Variants in ADAM12 observed in about 807,000 individuals in gnomAD.
ADAM12 encodes ADAM metallopeptidase domain 12.
ADAM12 carries 70 observed loss-of-function variants against 106.4 expected under a neutral mutation model. The ratio of observed to expected loss-of-function variants is 0.66; its 90% CI spans 0.54 to 0.80. The LOEUF is 0.80. ADAM12 is among the 30% of genes least tolerant of loss of function. ADAM12 has a pLI of 0.00. For missense variants in ADAM12, 1,010 were observed against 1,171.9 expected, an observed-to-expected ratio of 0.86 and a Z score of 2.02; for synonymous variants, 420 against 433.5, an observed-to-expected ratio of 0.97 and a Z score of 0.39.
At chr10:126,050,460 A>G (rs2133441132) in intron 14 of ADAM12, among the ~76,000 whole-genome samples, 2 of 152,346 alleles carry the variant, frequency 1.3e-5, no homozygotes, top group Middle Eastern at 3.4e-3. Context: ...AACATGCCAC[A>G]TTCTTTAGAA....
intron 18 of ADAM12, chr10:126,041,908 A>G: frequency 7.1e-7 from 1 of 1,408,196 alleles, no homozygotes; most frequent in East Asian, 2.6e-5. Flanking sequence ...TCCATGTTTT[A>G]GCAGAAGCTC....
At position 126,300,522 on chromosome 10, in the gene ADAM12, C is replaced by A. The variant is rs546189781; in HGVS notation, c.187-21534G>T. 8.5e-5 allele frequency among the ~76,000 whole-genome samples: 13 copies of A among 152,254 alleles called. No homozygotes were observed. In the South Asian group the frequency reaches 2.7e-3, roughly 32 times the overall value. On this transcript the variant is annotated intron_variant, in intron 2 of 22. Coordinates refer to ENST00000448723, the MANE Select transcript of ADAM12 (RefSeq NM_001288973.2). ...ACTTGCAGGAAAAATTATATCTATA[C>A]AGCAATAATCAATCATGGGTGTATA...
At chr10:126,371,926 C>A (rs1056991923) in intron 1 of ADAM12, among the ~76,000 whole-genome samples, 2 of 152,142 alleles carry the variant, frequency 1.3e-5, no homozygotes, top group Non-Finnish European at 2.9e-5. Context: ...CACAGTGAGT[C>A]CCATATAGCA....
At chr10:126,192,289 G>A (rs1016976340) in intron 3 of ADAM12, among the ~76,000 whole-genome samples, 20 of 152,204 alleles carry the variant, frequency 1.3e-4, no homozygotes, top group Admixed American at 2.0e-4. Flanking sequence ...AAAATGTGTA[G>A]AATAGTGCCT....
At chr10:126,067,391 C>T (rs947970171) in intron 12 of ADAM12, among the ~76,000 whole-genome samples, 1 of 152,182 alleles carries the variant, frequency 6.6e-6, no homozygotes, top group African/African-American at 2.4e-5. Flanking sequence ...CAGAAATGGA[C>T]CTTATAACAA....
At position 126,014,280 on chromosome 10, in the gene ADAM12, C is replaced by T. The variant is rs1953617776; in HGVS notation, c.*2999G>A. The T allele has an allele frequency of 7.0e-6, 1 of 143,610 alleles. No homozygotes were observed. Among genetic ancestry groups the T allele is most frequent in the Non-Finnish European group, 1.5e-5 (1 of 66,546 alleles). The allele number at this position is 143,610 out of a possible 1,614,324, so 8.9% of individuals were successfully genotyped here. On this transcript the variant is annotated 3_prime_UTR_variant, in exon 23 of 23. Coordinates refer to ENST00000448723, the MANE Select transcript of ADAM12 (RefSeq NM_001288973.2). Reference sequence around the variant, plus strand: ...TTTTTAGCACCGTGGAGACCATAGGCTCCTTAAGAACATTTTGACACAGTT... The same window carrying T: ...TTTTTAGCACCGTGGAGACCATAGGTTCCTTAAGAACATTTTGACACAGTT...
rs1192745933 is a variant in ADAM12, at chr10:126,053,765, G to A, written c.1610-4096C>T. On this transcript the variant is annotated intron_variant, in intron 14 of 22. Coordinates refer to ENST00000448723, the MANE Select transcript of ADAM12 (RefSeq NM_001288973.2). This position sits in a 1 kb window ranked among gnomAD's most constrained non-coding sequence, Gnocchi z 4.6. Reference sequence around the variant, plus strand: ...TTGTTGCCCAGGCTCGAGTGCAATGGTGTGATCTCGGCTCACTGCAACCTC... The same window carrying A: ...TTGTTGCCCAGGCTCGAGTGCAATGATGTGATCTCGGCTCACTGCAACCTC... Among the ~76,000 whole-genome samples, 1 of 152,074 alleles carries A rather than the reference G, an allele frequency of 6.6e-6. No individual in the cohort carries two copies. The highest frequency in any genetic ancestry group is 1.5e-5 in the Non-Finnish European group (1 of 68,020).
intron 6 of ADAM12, among the ~76,000 whole-genome samples, chr10:126,117,392 A>G (rs1344088174): frequency 6.6e-6 from 1 of 152,198 alleles, no homozygotes; most frequent in Non-Finnish European, 1.5e-5. Context: ...CAGCAGATCC[A>G]GGGGCTGGTG....
intron 3 of ADAM12, among the ~76,000 whole-genome samples, chr10:126,258,966 G>C (rs1016264335): frequency 9.9e-5 from 15 of 152,266 alleles, no homozygotes; most frequent in Non-Finnish European, 7.4e-5. Context: ...GTTCCCTACC[G>C]TGTCCCCAGT....
At chr10:126,299,845 T>G (rs1298217503) in intron 2 of ADAM12, among the ~76,000 whole-genome samples, 1 of 152,130 alleles carries the variant, frequency 6.6e-6, no homozygotes, top group African/African-American at 2.4e-5. Context: ...GGTTTCGCCA[T>G]GTTGGCCAGG....
intron 2 of ADAM12, among the ~76,000 whole-genome samples, chr10:126,294,980 T>C (rs1478026950): frequency 6.6e-6 from 1 of 151,918 alleles, no homozygotes; most frequent in Non-Finnish European, 1.5e-5. Flanking sequence ...AAAGTTGCAA[T>C]GGAATAAGGA....
chr10:126,106,267 C>T (rs1024136114), intron 8 of ADAM12, among the ~76,000 whole-genome samples: 7 of 152,118 alleles, frequency 4.6e-5, no homozygotes, highest in Non-Finnish European at 8.8e-5. Flanking sequence ...AAATGAATAA[C>T]CTCTGCCCAT....
intron 4 of ADAM12, among the ~76,000 whole-genome samples, chr10:126,149,100 G>T (rs565329591): frequency 2.1e-4 from 32 of 152,288 alleles, no homozygotes; most frequent in Admixed American, 1.9e-3. Context: ...GGGGGAAGAC[G>T]AGGGGAATGG....
intron 2 of ADAM12, among the ~76,000 whole-genome samples, chr10:126,311,928 T>C (rs1961117399): frequency 6.6e-6 from 1 of 152,116 alleles, no homozygotes; most frequent in Non-Finnish European, 1.5e-5. Flanking sequence ...AAGGGGGTCA[T>C]GGGACCCCTT....
At chr10:126,156,289 G>A (rs1226464615) in intron 3 of ADAM12, among the ~76,000 whole-genome samples, 1 of 152,268 alleles carries the variant, frequency 6.6e-6, no homozygotes, top group East Asian at 1.9e-4. Flanking sequence ...AACAAAGGTC[G>A]ATTCATGCTG....
At chr10:126,147,790 C>T (rs891711910) in intron 4 of ADAM12, among the ~76,000 whole-genome samples, 2 of 152,240 alleles carry the variant, frequency 1.3e-5, no homozygotes, top group African/African-American at 4.8e-5. Context: ...CTTCCTCTAG[C>T]CTCCCCTCAC....
rs1213161228 is a variant in ADAM12, at chr10:126,064,260, C to T, written c.1609+546G>A. Among the ~76,000 whole-genome samples the T allele has an allele frequency of 1.3e-5, 2 of 152,178 alleles. No homozygotes were observed. The highest frequency in any genetic ancestry group is 2.9e-5 in the Non-Finnish European group (2 of 68,032). Reference sequence around the variant, plus strand: ...TGCTCTCAGGCCTTCTGATTACAGACACACTCATGCTTCAAGTCTGATCAG... The same window carrying T: ...TGCTCTCAGGCCTTCTGATTACAGATACACTCATGCTTCAAGTCTGATCAG... On this transcript the variant is annotated intron_variant, in intron 14 of 22. Coordinates refer to ENST00000448723, the MANE Select transcript of ADAM12 (RefSeq NM_001288973.2). This position sits in a 1 kb window ranked among gnomAD's most constrained non-coding sequence, Gnocchi z 4.4.
intron 3 of ADAM12, among the ~76,000 whole-genome samples, chr10:126,189,099 T>C (rs112017533): frequency 5.1e-4 from 78 of 152,270 alleles, no homozygotes; most frequent in African/African-American, 1.8e-3. Flanking sequence ...CAAATGCAGA[T>C]ACAATGAGAG....
In ADAM12 at chr10:126,307,236, T is replaced by C. The variant is rs768059188; in HGVS notation, c.186+23176A>G. ...GCATATTTTTCTCCATTTCAGAGAT[T>C]TTGTTTTTCGTTTTTGCTGTTTTAC... On this transcript the variant is annotated intron_variant, in intron 2 of 22. Coordinates refer to ENST00000448723, the MANE Select transcript of ADAM12 (RefSeq NM_001288973.2). Among the ~76,000 whole-genome samples, 67 of 152,318 alleles carry C rather than the reference T, an allele frequency of 4.4e-4. 1 individual carries two copies. Among genetic ancestry groups the C allele is most frequent in the Admixed American group, 7.2e-4 (11 of 15,298 alleles).
Sources: gnomAD v4.1 joint callset for allele counts (sites outside exome capture counted in the v4.1 genomes callset) on GRCh38, gnomAD v4.1.1 for gene constraint, Gnocchi (gnomAD v3.1) non-coding constraint, MANE v1.5 for transcripts, NCBI Gene and HGNC (gene_info 2026-07-23, HGNC 2026-07-21) for gene names.